DGKG: variants seen among roughly 807,000 people sequenced by gnomAD.
DGKG encodes DAG kinase gamma.
A neutral mutation model predicts 105.3 loss-of-function variants in DGKG; 78 were observed. That is an observed-to-expected ratio of 0.74 (90% confidence interval 0.62 to 0.89). The LOEUF (loss-of-function observed/expected upper bound fraction) is 0.89, where lower values mean the gene tolerates loss of function less well. Among genes scored for constraint, DGKG ranks in the 40% least tolerant of loss-of-function variants. DGKG has a pLI of 0.00. For synonymous variants in DGKG, 346 were observed against 367.1 expected (o/e 0.94, Z 0.66); for missense variants, 958 against 1,020.1 (o/e 0.94, Z 0.83).
chr3:186,230,259 AAAACAAACAAAC>A, intron 20 of DGKG, among the ~76,000 whole-genome samples: 1 of 152,308 alleles, frequency 6.6e-6, no homozygotes, highest in South Asian at 2.1e-4. Flanking sequence ...CTCCGTCTCA[AAAACAAACAAAC>A]AAACAAACAA....
chr3:186,191,359 C>A (rs541717973), intron 21 of DGKG, among the ~76,000 whole-genome samples: 30 of 152,254 alleles, frequency 2.0e-4, no homozygotes, highest in African/African-American at 7.2e-4. Context: ...CCAAAATGTA[C>A]CCTATTCTTA....
At chr3:186,222,451 C>T (rs1044060279) in intron 20 of DGKG, among the ~76,000 whole-genome samples, 4 of 152,196 alleles carry the variant, frequency 2.6e-5, no homozygotes, top group Non-Finnish European at 5.9e-5. Flanking sequence ...TGCCATGTGA[C>T]CTTGGGCAAA....
At chr3:186,338,207 AT>A (rs1371702970) in intron 1 of DGKG, among the ~76,000 whole-genome samples, 1 of 151,854 alleles carries the variant, frequency 6.6e-6, no homozygotes, top group Non-Finnish European at 1.5e-5. Flanking sequence ...GAAAAGTAGA[AT>A]GTACATTGGA....
intron 3 of DGKG, among the ~76,000 whole-genome samples, chr3:186,305,397 T>C (rs536504005): frequency 1.1e-4 from 17 of 152,282 alleles, no homozygotes; most frequent in African/African-American, 3.9e-4. Context: ...ACTGGCTTAT[T>C]TGATAGCATC....
chr3:186,328,939 C>T (rs1386439087), intron 1 of DGKG, among the ~76,000 whole-genome samples: 1 of 152,094 alleles, frequency 6.6e-6, no homozygotes, highest in Non-Finnish European at 1.5e-5. Flanking sequence ...CCTGACTCTC[C>T]AGATGGTATC....
At chr3:186,184,323 G>A (rs1397312035) in intron 22 of DGKG, among the ~76,000 whole-genome samples, 1 of 152,120 alleles carries the variant, frequency 6.6e-6, no homozygotes, top group East Asian at 1.9e-4. Flanking sequence ...GTAAGCATGG[G>A]GCTTTTCCCA....
intron 22 of DGKG, among the ~76,000 whole-genome samples, chr3:186,173,256 C>A (rs533899217): frequency 1.3e-5 from 2 of 152,282 alleles, no homozygotes; most frequent in Admixed American, 1.3e-4. Context: ...GGACACAATT[C>A]GGCCCATACA....
At chr3:186,274,660 A>G (rs1279871095) in intron 10 of DGKG, among the ~76,000 whole-genome samples, 1 of 151,510 alleles carries the variant, frequency 6.6e-6, no homozygotes, top group Admixed American at 6.6e-5. Context: ...ATCTTGCGAT[A>G]GTTTGCTCAG....
In DGKG at chr3:186,208,548, G is replaced by A. The variant is rs556648764; in HGVS notation, c.1917+3247C>T. ...CCTGTCAACCTAAGTTCCCTCAACCGTAAAGTGAGGACATTAATATTGGCC... is the reference window on the plus strand; with the variant it reads ...CCTGTCAACCTAAGTTCCCTCAACCATAAAGTGAGGACATTAATATTGGCC... On this transcript the variant is annotated intron_variant, in intron 21 of 24. Transcript: ENST00000265022. Among the ~76,000 whole-genome samples the A allele has an allele frequency of 5.3e-5, 8 of 152,182 alleles. No individual in the cohort carries two copies. The South Asian group carries it at 1.0e-3, about 20-fold the overall frequency.
At chr3:186,323,904 T>A (rs1235876446) in intron 1 of DGKG, among the ~76,000 whole-genome samples, 2 of 131,898 alleles carry the variant, frequency 1.5e-5, no homozygotes, top group Non-Finnish European at 3.1e-5. Context: ...GCCACTGCAC[T>A]CCAGCCTGGG....
chr3:186,318,958 C>T (rs1724950629), intron 2 of DGKG, among the ~76,000 whole-genome samples: 1 of 152,186 alleles, frequency 6.6e-6, no homozygotes, highest in South Asian at 2.1e-4. Flanking sequence ...TAAAGCAGTT[C>T]TCTGTGTCAC....
chr3:186,238,275 G>A (rs1193630086), intron 20 of DGKG, among the ~76,000 whole-genome samples: 2 of 111,654 alleles, frequency 1.8e-5, no homozygotes, highest in Non-Finnish European at 3.3e-5. Flanking sequence ...CAGGCCAGGT[G>A]ACAGAATGAC....
intron 20 of DGKG, 66 bp from the exon 21 acceptor site, chr3:186,211,951 G>T: frequency 7.4e-7 from 1 of 1,347,892 alleles, no homozygotes; most frequent in Non-Finnish European, 1.1e-6. Flanking sequence ...AAATAGCTAT[G>T]TTCTTTGGAT....
At chr3:186,183,588 A>G (rs1717467362) in intron 22 of DGKG, among the ~76,000 whole-genome samples, 1 of 152,148 alleles carries the variant, frequency 6.6e-6, no homozygotes, top group South Asian at 2.1e-4. Context: ...TGGAATCTGA[A>G]AGGTCTAGGA....
At chr3:186,348,449 A>ATTT (rs1350593815) in intron 1 of DGKG, among the ~76,000 whole-genome samples, 4 of 112,370 alleles carry the variant, frequency 3.6e-5, no homozygotes, top group African/African-American at 1.7e-4. Flanking sequence ...CTGGCTCATA[A>ATTT]TCTTTTTTTT....
At chr3:186,209,601 G>T (rs534867407) in intron 21 of DGKG, among the ~76,000 whole-genome samples, 4 of 152,060 alleles carry the variant, frequency 2.6e-5, no homozygotes, top group Non-Finnish European at 5.9e-5. Flanking sequence ...TCGTGTGCTG[G>T]TTCTCAAAGG....
At chr3:186,251,362 G>A (rs2108562646) in intron 19 of DGKG, among the ~76,000 whole-genome samples, 1 of 152,242 alleles carries the variant, frequency 6.6e-6, no homozygotes, top group African/African-American at 2.4e-5. Context: ...GGACCACATG[G>A]TCTTCCTTTG....
chr3:186,294,489 T>C (rs1053150783), intron 5 of DGKG, among the ~76,000 whole-genome samples: 7 of 149,904 alleles, frequency 4.7e-5, no homozygotes, highest in African/African-American at 1.7e-4. Context: ...TGAGCTGAGA[T>C]TGCACCATTG....
chr3:186,259,843 C>T (rs569884941), intron 16 of DGKG, among the ~76,000 whole-genome samples: 1 of 152,288 alleles, frequency 6.6e-6, no homozygotes, highest in African/African-American at 2.4e-5. Flanking sequence ...ACCACGCCTC[C>T]CACCAGGCCT....
Sources: gnomAD v4.1 joint callset for allele counts (sites outside exome capture counted in the v4.1 genomes callset) on GRCh38, gnomAD v4.1.1 for gene constraint, MANE v1.5 for transcripts, NCBI Gene and HGNC (gene_info 2026-07-23, HGNC 2026-07-21) for gene names.